Variants in BTD observed in about 807,000 individuals in gnomAD.
BTD encodes the protein biocytinase.
A neutral mutation model predicts 17.7 loss-of-function variants in BTD; 13 were observed. The observed-to-expected ratio is 0.74, with a 90% CI of 0.48 to 1.17. BTD has a LOEUF of 1.17. BTD is among the 50% of genes most tolerant of loss of function. The pLI is 0.00. For missense variants in BTD, 674 were observed against 650.4 expected, an observed-to-expected ratio of 1.04 and a Z score of -0.39; for synonymous variants, 240 against 245.2, an observed-to-expected ratio of 0.98 and a Z score of 0.20.
intron 3 of BTD, among the ~76,000 whole-genome samples, chr3:15,666,090 T>TCCC (rs1229654054): frequency 6.6e-6 from 1 of 152,122 alleles, no homozygotes; most frequent in Non-Finnish European, 1.5e-5. Flanking sequence ...CTATGTTACC[T>TCCC]CCCCCTTTAC....
chr3:15,707,878 G>A (rs2071670585), intron 3 of BTD: 1 of 1,576,622 alleles, frequency 6.3e-7, no homozygotes, highest in Non-Finnish European at 8.7e-7. Context: ...GAAGATGCCA[G>A]TTTATAGAAA....
At chr3:15,662,447 T>C (rs562554269) in intron 3 of BTD, among the ~76,000 whole-genome samples, 4 of 152,362 alleles carry the variant, frequency 2.6e-5, no homozygotes, top group South Asian at 2.1e-4. Context: ...GATTTTTGTA[T>C]ATGAACCTTG....
chr3:15,601,497 C>T (rs367946120), upstream of BTD: 4 of 1,610,530 alleles, frequency 2.5e-6, no homozygotes, highest in African/African-American at 1.3e-5. Context: ...CTCACGCAGC[C>T]GGCAAACAAG....
intron 1 of BTD, among the ~76,000 whole-genome samples, chr3:15,634,436 G>T (rs891498454): frequency 6.6e-6 from 1 of 152,170 alleles, no homozygotes; most frequent in African/African-American, 2.4e-5. Flanking sequence ...TTAGCTGGGA[G>T]GCCAGGCTGA....
At chr3:15,654,370 T>G (rs1225706517), downstream of BTD, among the ~76,000 whole-genome samples, 3 of 152,106 alleles carry the variant, frequency 2.0e-5, no homozygotes, top group Non-Finnish European at 4.4e-5. Context: ...TCATTTAAAA[T>G]GATTCTTCTG....
chr3:15,612,408 T>G (rs954346630), intron 1 of BTD, among the ~76,000 whole-genome samples: 2 of 152,226 alleles, frequency 1.3e-5, no homozygotes, highest in African/African-American at 4.8e-5. Flanking sequence ...GCTTATATTT[T>G]ATTTTCTGGA....
At chr3:15,612,710 A>G (rs1007143391) in intron 1 of BTD, among the ~76,000 whole-genome samples, 30 of 133,600 alleles carry the variant, frequency 2.2e-4, no homozygotes, top group Non-Finnish European at 6.4e-5. Flanking sequence ...TTGCTTCATT[A>G]TATGTTGTCT....
chr3:15,657,101 T>C (rs1015331345), downstream of BTD, among the ~76,000 whole-genome samples: 3 of 152,222 alleles, frequency 2.0e-5, no homozygotes, highest in African/African-American at 7.2e-5. Context: ...GTCAGACTTC[T>C]AACAAGACAT....
chr3:15,708,931 C>A (rs2071843680), intron 3 of BTD, among the ~76,000 whole-genome samples: 1 of 152,222 alleles, frequency 6.6e-6, no homozygotes, highest in African/African-American at 2.4e-5. Context: ...AATTCTCAAA[C>A]TGTTGACACA....
chr3:15,624,685 C>A (rs1236429312), intron 1 of BTD, among the ~76,000 whole-genome samples: 1 of 151,332 alleles, frequency 6.6e-6, no homozygotes, highest in African/African-American at 2.4e-5. Context: ...AATTGCTAGT[C>A]TGATAATTAC....
chr3:15,705,328 T>TTG (rs969330045), intron 3 of BTD, among the ~76,000 whole-genome samples: 56 of 152,180 alleles, frequency 3.7e-4, no homozygotes, highest in Non-Finnish European at 4.0e-4. Context: ...CTTTGTGGTT[T>TTG]TGTGTGTGTG....
chr3:15,659,343 G>C (rs2065900340), intron 3 of BTD, among the ~76,000 whole-genome samples: 1 of 151,312 alleles, frequency 6.6e-6, no homozygotes, highest in South Asian at 2.1e-4. Context: ...GGGAAGGGGG[G>C]CACTCTAGGT....
rs1049744209 is a variant in BTD, at chr3:15,719,420, G to C, written c.1016-2350G>C. ...AGATACAGTTTGGCAAGTGCTCAAA[G>C]GATGAATTGATAAAATTAATACAGA... is the stretch of plus-strand genomic sequence containing the variant. On this transcript the variant is annotated intron_variant, in intron 4 of 4. Transcript: ENST00000672427. 3.9e-5 allele frequency among the ~76,000 whole-genome samples: 6 copies of C among 152,070 alleles called. No individual in the cohort carries two copies. In the South Asian group the frequency reaches 1.2e-3, roughly 32 times the overall value.
downstream of BTD, among the ~76,000 whole-genome samples, chr3:15,656,339 T>C (rs142930525): frequency 6.6e-6 from 1 of 152,260 alleles, no homozygotes; most frequent in East Asian, 1.9e-4. Flanking sequence ...TCTCACACAC[T>C]TCACCACTGT....
chr3:15,717,466 T>A (rs917486984), downstream of BTD, among the ~76,000 whole-genome samples: 1 of 151,856 alleles, frequency 6.6e-6, no homozygotes, highest in Non-Finnish European at 1.5e-5. Context: ...AGAAACAATG[T>A]GGAGTTTTCT....
intron 1 of BTD, among the ~76,000 whole-genome samples, chr3:15,626,837 G>A (rs142969457): frequency 6.6e-6 from 1 of 151,400 alleles, no homozygotes; most frequent in Non-Finnish European, 1.5e-5. Context: ...AGGGGAGCTA[G>A]TCATATGTCT....
chr3:15,666,908 G>A (rs773990300), intron 3 of BTD, among the ~76,000 whole-genome samples: 45 of 152,216 alleles, frequency 3.0e-4, no homozygotes, highest in Admixed American at 5.2e-4. Flanking sequence ...ATCTTATTCT[G>A]TACCTTTTAT....
intron 3 of BTD, among the ~76,000 whole-genome samples, chr3:15,672,516 A>G (rs2066480785): frequency 6.6e-6 from 1 of 152,184 alleles, no homozygotes; most frequent in African/African-American, 2.4e-5. Flanking sequence ...ATGTCCTTCC[A>G]AGTTTGGCAG....
intron 3 of BTD, chr3:15,670,613 A>C (rs911225387): frequency 3.3e-6 from 5 of 1,524,370 alleles, no homozygotes; most frequent in Non-Finnish European, 4.4e-6. Context: ...TTCACCAAAG[A>C]CAAGGAAATA....
Sources: allele counts gnomAD v4.1 joint callset (sites outside exome capture counted in the v4.1 genomes callset), GRCh38; gene constraint gnomAD v4.1.1; transcripts MANE v1.5; gene names NCBI Gene and HGNC (gene_info 2026-07-23, HGNC 2026-07-21).